The following SEL1L2 variants were observed in gnomAD, a reference collection of about 807,000 sequenced individuals.
The protein encoded by SEL1L2 is SEL1L2 adaptor subunit of SYVN1 ubiquitin ligase, also known as protein sel-1 homolog 2.
In SEL1L2, 89 loss-of-function variants were observed where a neutral mutation model predicts 98.8. That is an observed-to-expected ratio of 0.90 (90% CI 0.76 to 1.07). The LOEUF is 1.07. Among genes scored for constraint, SEL1L2 ranks in the 50% least tolerant of loss-of-function variants. The probability of loss-of-function intolerance (pLI) is 0.00; values close to 1 mark genes in which losing one functional copy is unlikely to be tolerated. For synonymous variants in SEL1L2, 262 were observed against 278.5 expected (o/e 0.94, Z 0.59); for missense variants, 788 against 812.0 (o/e 0.97, Z 0.36).
rs553331252 is a variant in SEL1L2 at position 13,918,726 on chromosome 20, A to G, written c.386+295T>C. 2.0e-5 allele frequency among the ~76,000 whole-genome samples: 3 copies of G among 152,362 alleles called. 1 individual carries two copies. In the South Asian group the frequency reaches 6.2e-4, roughly 32 times the overall value. On this transcript the variant is annotated intron_variant, in intron 4 of 19. Transcript: ENST00000284951. ...TAACACATTTTATTTCACTTGAATC[A>G]TCTAATAAATTAAAGCCAAAACAAT... is the stretch of plus-strand genomic sequence containing the variant.
At chr20:13,947,513 C>T (rs2050072415) in intron 2 of SEL1L2, among the ~76,000 whole-genome samples, 1 of 152,134 alleles carries the variant, frequency 6.6e-6, no homozygotes. Flanking sequence ...GCTCACCCTC[C>T]AATTGTCTGC....
chr20:13,850,420 A>C (rs1281394310), intron 18 of SEL1L2, 101 bp from the exon 19 acceptor site: 2 of 1,274,970 alleles, frequency 1.6e-6, no homozygotes, highest in African/African-American at 1.5e-5. Flanking sequence ...ACAGGTCTTA[A>C]GATAGGGAGA....
chr20:13,921,780 A>G (rs1279954047), intron 3 of SEL1L2, among the ~76,000 whole-genome samples: 11 of 152,112 alleles, frequency 7.2e-5, no homozygotes, highest in Admixed American at 6.5e-4. Flanking sequence ...TCTCTGTCTC[A>G]TGATTCTGCA....
At chr20:13,979,648 G>A (rs530065226) in intron 1 of SEL1L2, among the ~76,000 whole-genome samples, 1 of 152,006 alleles carries the variant, frequency 6.6e-6, no homozygotes, top group East Asian at 1.9e-4. Flanking sequence ...CTACATATTG[G>A]CACAATGGAA....
intron 2 of SEL1L2, among the ~76,000 whole-genome samples, chr20:13,937,500 C>T (rs527448458): frequency 2.0e-5 from 3 of 152,250 alleles, no homozygotes; most frequent in Non-Finnish European, 2.9e-5. Flanking sequence ...AACTCCATCT[C>T]GCTTTGCTGA....
chr20:13,886,036 C>CAA (rs11476832), intron 9 of SEL1L2, among the ~76,000 whole-genome samples: 2 of 123,922 alleles, frequency 1.6e-5, no homozygotes. Flanking sequence ...GACTCCAACT[C>CAA]AAAAAAAAAA....
chr20:13,931,687 G>A lies in SEL1L2; in HGVS notation c.199C>T (p.Leu67Phe), dbSNP rs2049152176. The A allele has an allele frequency of 1.3e-6, 2 of 1,556,026 alleles. No individual in the cohort carries two copies. The highest frequency in any genetic ancestry group is 1.7e-6 in the Non-Finnish European group (2 of 1,148,412). ...CGTTGATTCTTCTTTTTCTCCAGGA[G>A]ATTTTCTCTTTTATTGATTACATTA... Reference protein sequence around the residue: ...SSNVINKRENLLEKKKNQRKI... With the variant: ...SSNVINKRENFLEKKKNQRKI... The change falls in exon 3 of 20, where the codon CTC becomes TTC. Residue 67 changes from leucine to phenylalanine, a missense_variant. Leu to Phe is a conservative substitution (Grantham distance 22). Coordinates refer to ENST00000284951, the MANE Select transcript of SEL1L2 (RefSeq NM_025229.2).
chr20:13,882,458 G>A (rs2046748787), intron 10 of SEL1L2, among the ~76,000 whole-genome samples: 1 of 152,228 alleles, frequency 6.6e-6, no homozygotes, highest in African/African-American at 2.4e-5. Flanking sequence ...GGCCTCAAGA[G>A]ACTTCTGCTC....
intron 13 of SEL1L2, among the ~76,000 whole-genome samples, 200 bp from the exon 14 acceptor site, chr20:13,869,790 A>T (rs1275884037): frequency 6.6e-6 from 1 of 152,162 alleles, no homozygotes; most frequent in Non-Finnish European, 1.5e-5. Flanking sequence ...CATCATAATT[A>T]TGTCTTTTTC....
At chr20:13,913,984 T>C in intron 4 of SEL1L2, 40 bp from the exon 5 acceptor site, 2 of 1,520,420 alleles carry the variant, frequency 1.3e-6, no homozygotes, top group Admixed American at 2.5e-5. Context: ...TTTTCAAAAA[T>C]GAAATTTTCT....
intron 17 of SEL1L2, among the ~76,000 whole-genome samples, chr20:13,860,145 C>T (rs953861544): frequency 6.6e-6 from 1 of 152,146 alleles, no homozygotes; most frequent in South Asian, 2.1e-4. Context: ...ACAGTGTCGC[C>T]CTCTTTCCCA....
chr20:13,879,540 A>G (rs916910256), intron 10 of SEL1L2, among the ~76,000 whole-genome samples: 15 of 151,864 alleles, frequency 9.9e-5, no homozygotes, highest in African/African-American at 3.6e-4. Flanking sequence ...TTTAGTAGAG[A>G]TGGGGTTTTG....
chr20:13,884,335 C>A (rs78432696), intron 10 of SEL1L2, among the ~76,000 whole-genome samples: 1 of 151,864 alleles, frequency 6.6e-6, no homozygotes, highest in Admixed American at 6.6e-5. Context: ...AGTTACTTCC[C>A]AGGTCTGTGG....
At chr20:13,938,484 T>G (rs2049569533) in intron 2 of SEL1L2, among the ~76,000 whole-genome samples, 1 of 152,210 alleles carries the variant, frequency 6.6e-6, no homozygotes, top group African/African-American at 2.4e-5. Flanking sequence ...AAAATTAGTT[T>G]TATTCTCAAA....
chr20:13,862,492 T>G (rs1289856440), intron 17 of SEL1L2, among the ~76,000 whole-genome samples: 1 of 152,150 alleles, frequency 6.6e-6, no homozygotes, highest in African/African-American at 2.4e-5. Context: ...GATATAGGAC[T>G]CCTTCCAAAA....
At chr20:13,889,280 C>T (rs1048651198) in intron 5 of SEL1L2, among the ~76,000 whole-genome samples, 3 of 152,084 alleles carry the variant, frequency 2.0e-5, no homozygotes, top group African/African-American at 7.2e-5. Flanking sequence ...GCCACCACGC[C>T]TGGCCATTGT....
Position 13,931,639 on chromosome 20 carries a change from G to T in SEL1L2, c.247C>A (p.Gln83Lys). ...NQRKIRIKGI[Q>K]NKDILKRNKN... ...TTTCTCTTCAAGATATCTTTATTTT[G>T]AATTCCTTTTATTCTTATTTTACGT... Residue 83 changes from glutamine (Q) to lysine (K), a missense_variant, in exon 3 of 20, where the codon CAA (glutamine) becomes AAA (lysine). Coordinates refer to ENST00000284951, the MANE Select transcript of SEL1L2 (RefSeq NM_025229.2). 3.5e-6 allele frequency: 5 copies of T among 1,448,900 alleles called. No homozygotes were observed. Among genetic ancestry groups the T allele is most frequent in the Non-Finnish European group, 3.8e-6 (4 of 1,065,320 alleles). The allele number at this position is 1,448,900 out of a possible 1,614,324, so 89.8% of individuals were successfully genotyped here.
intron 5 of SEL1L2, among the ~76,000 whole-genome samples, chr20:13,901,786 G>A (rs1040272925): frequency 6.6e-6 from 1 of 151,010 alleles, no homozygotes; most frequent in Non-Finnish European, 1.5e-5. Context: ...CTCAGCCTCC[G>A]GAGTAGCTGG....
chr20:13,960,981 A>C (rs2050750682), intron 1 of SEL1L2, among the ~76,000 whole-genome samples: 1 of 152,212 alleles, frequency 6.6e-6, no homozygotes, highest in African/African-American at 2.4e-5. Flanking sequence ...GAAGGGGACT[A>C]AAGTTTCATT....
Sources: gnomAD v4.1 joint callset for allele counts (sites outside exome capture counted in the v4.1 genomes callset) on GRCh38, gnomAD v4.1.1 for gene constraint, MANE v1.5 for transcripts, NCBI Gene and HGNC (gene_info 2026-07-23, HGNC 2026-07-21) for gene names.